The following TNS3 variants were observed in gnomAD, a reference collection of about 807,000 sequenced individuals.
TNS3 encodes the protein tensin 3.
Under a neutral mutation model 140.9 loss-of-function variants are expected in TNS3, and 45 were observed. That is an observed-to-expected ratio of 0.32 (90% CI 0.25 to 0.41). The LOEUF (loss-of-function observed/expected upper bound fraction) is 0.41. Among genes scored for constraint, TNS3 ranks in the 10% least tolerant of loss-of-function variants. The pLI is 1.00. For synonymous variants in TNS3, 815 were observed against 788.4 expected, an observed-to-expected ratio of 1.03 and a Z score of -0.56; for missense variants, 1,716 against 1,906.7, an observed-to-expected ratio of 0.90 and a Z score of 1.86.
At chr7:47,519,468 T>C (rs1346955683) in intron 2 of TNS3, among the ~76,000 whole-genome samples, 2 of 152,110 alleles carry the variant, frequency 1.3e-5, no homozygotes, top group Non-Finnish European at 2.9e-5. Context: ...CCCACCTCAC[T>C]CAGTGTGTGA....
chr7:47,292,926 A>C, intron 25 of TNS3, 21 bp from the exon 26 acceptor site: 1 of 1,612,450 alleles, frequency 6.2e-7, no homozygotes, highest in East Asian at 2.2e-5. Context: ...GACAGACAGC[A>C]AACAAGAGTC....
At chr7:47,361,409 C>G (rs1000754545) in intron 17 of TNS3, among the ~76,000 whole-genome samples, 1 of 152,052 alleles carries the variant, frequency 6.6e-6, no homozygotes. Context: ...AGACCATCTG[C>G]CTGGTAAGGA....
At chr7:47,478,270 T>C (rs143798379) in intron 4 of TNS3, among the ~76,000 whole-genome samples, 113 of 152,294 alleles carry the variant, frequency 7.4e-4, no homozygotes, top group Non-Finnish European at 1.2e-3. Flanking sequence ...GGCCTGAGAA[T>C]GTGCATTTCT....
In TNS3 at chr7:47,385,173, C is replaced by T. The variant is rs192308680; in HGVS notation, c.1024+11627G>A. 2.2e-4 allele frequency among the ~76,000 whole-genome samples: 33 copies of T among 152,322 alleles called. 1 individual carries two copies. Among genetic ancestry groups the T allele is most frequent in the Admixed American group, 1.9e-3 (29 of 15,306 alleles). ...CTGCTTTGGACACACTCATGGTGCT[C>T]TCAGTCTCCTGCCTCTGTCAATCCA... On this transcript the variant is annotated intron_variant, in intron 16 of 30. Transcript: ENST00000311160.
At chr7:47,308,205 A>G (rs1368177811) in intron 20 of TNS3, among the ~76,000 whole-genome samples, 1 of 152,198 alleles carries the variant, frequency 6.6e-6, no homozygotes, top group African/African-American at 2.4e-5. Flanking sequence ...TGTTGAGACT[A>G]TCTATTCTTC....
intron 1 of TNS3, among the ~76,000 whole-genome samples, chr7:47,569,372 G>A (rs775888315): frequency 1.2e-4 from 18 of 151,416 alleles, no homozygotes; most frequent in South Asian, 2.1e-4. Flanking sequence ...ATGAAACCCC[G>A]TCTCTACTAA....
chr7:47,519,202 G>A (rs1798880690), intron 2 of TNS3, among the ~76,000 whole-genome samples: 1 of 152,086 alleles, frequency 6.6e-6, no homozygotes, highest in South Asian at 2.1e-4. Context: ...TGTATAGGAC[G>A]AACCTTGTTG....
chr7:47,498,349 C>A (rs1044888518), intron 3 of TNS3, among the ~76,000 whole-genome samples: 4 of 152,204 alleles, frequency 2.6e-5, no homozygotes, highest in Non-Finnish European at 5.9e-5. Context: ...GAGCCACGTG[C>A]AGGATGCAGG....
At chr7:47,563,374 C>T (rs1052676730) in intron 1 of TNS3, among the ~76,000 whole-genome samples, 6 of 152,214 alleles carry the variant, frequency 3.9e-5, no homozygotes, top group African/African-American at 1.4e-4. Flanking sequence ...TGAAAGGTGC[C>T]CTTGAAGAAG....
At chr7:47,321,729 G>A (rs185250413) in intron 20 of TNS3, among the ~76,000 whole-genome samples, 67 of 152,264 alleles carry the variant, frequency 4.4e-4, no homozygotes, top group African/African-American at 1.6e-3. Flanking sequence ...TGCTCTGAGG[G>A]GAAGGAGGGA....
At chr7:47,316,094 TTCTCTCTCTCTCTCTCTCTC>T (rs56939479) in intron 20 of TNS3, among the ~76,000 whole-genome samples, 3,355 of 105,888 alleles carry the variant, frequency 0.032, 38 homozygotes, top group Non-Finnish European at 0.036. Flanking sequence ...AACTAACTAT[TTCTCTCTCTCTCTCTCTCTC>T]TCTCTCTCTC....
rs67341898 is a variant in TNS3 at position 47,437,745 on chromosome 7, T to TACACACACACAC, written c.151-444_151-433dup. On this transcript the variant is annotated intron_variant, in intron 6 of 30. Transcript: ENST00000311160. ...CTACAAAATATCCCAACATATAGGATACACACACACACACACACACACACA... is the reference window on the plus strand; with the variant it reads ...CTACAAAATATCCCAACATATAGGATACACACACACACACACACACACACACACACACACACA... 5.9e-5 allele frequency among the ~76,000 whole-genome samples: 8 copies of TACACACACACAC among 135,804 alleles called. No individual in the cohort carries two copies. The South Asian group carries it at 7.4e-4, about 12-fold the overall frequency. 89.1% of individuals were successfully genotyped at this position (135,804 alleles called of 152,430 possible).
intron 20 of TNS3, among the ~76,000 whole-genome samples, chr7:47,322,802 C>G (rs1787822436): frequency 6.6e-6 from 1 of 152,158 alleles, no homozygotes; most frequent in Admixed American, 6.5e-5. Context: ...ATGAAGCCCT[C>G]TAAAGCCCTC....
chr7:47,329,068 T>C lies in TNS3; in HGVS notation c.2650+15687A>G, dbSNP rs190978043. Among the ~76,000 whole-genome samples the C allele has an allele frequency of 2.6e-5, 4 of 152,190 alleles. No homozygotes were observed. In the East Asian group the frequency reaches 7.7e-4, roughly 29 times the overall value. Reference sequence around the variant, plus strand: ...ATTTTTTTCAGCATTTGGAACACCATCTCCCTCAGTCAAGTCAAAGTGCTC... The same window carrying C: ...ATTTTTTTCAGCATTTGGAACACCACCTCCCTCAGTCAAGTCAAAGTGCTC... On this transcript the variant is annotated intron_variant, in intron 20 of 30. Coordinates refer to ENST00000311160, the MANE Select transcript of TNS3 (RefSeq NM_022748.12).
intron 17 of TNS3, among the ~76,000 whole-genome samples, chr7:47,367,577 T>C (rs984017714): frequency 6.6e-6 from 1 of 152,148 alleles, no homozygotes; most frequent in African/African-American, 2.4e-5. Context: ...GAAAAGGACA[T>C]GTGCAGTCCT....
At chr7:47,464,246 C>T (rs1796608760) in intron 4 of TNS3, among the ~76,000 whole-genome samples, 1 of 152,194 alleles carries the variant, frequency 6.6e-6, no homozygotes, top group Admixed American at 6.5e-5. Context: ...GAGAAGCTTA[C>T]AGCATTTTCT....
intron 1 of TNS3, among the ~76,000 whole-genome samples, chr7:47,562,212 G>A (rs1800330838): frequency 6.6e-6 from 1 of 152,124 alleles, no homozygotes. Context: ...CTCTGACCCG[G>A]AGATCATTCT....
chr7:47,349,391 G>A (rs1789532229), intron 17 of TNS3, among the ~76,000 whole-genome samples: 1 of 152,262 alleles, frequency 6.6e-6, no homozygotes, highest in Non-Finnish European at 1.5e-5. Flanking sequence ...ATACTTCTCA[G>A]TATCCTGCCA....
At chr7:47,571,510 C>CCAGAACTCA (rs112620053) in intron 1 of TNS3, among the ~76,000 whole-genome samples, 1 of 152,084 alleles carries the variant, frequency 6.6e-6, no homozygotes, top group Non-Finnish European at 1.5e-5. Flanking sequence ...GCTGGTGTCC[C>CCAGAACTCA]CAGAGCTGAC....
Sources: allele counts gnomAD v4.1 joint callset (sites outside exome capture counted in the v4.1 genomes callset), GRCh38; gene constraint gnomAD v4.1.1; transcripts MANE v1.5; gene names NCBI Gene and HGNC (gene_info 2026-07-23, HGNC 2026-07-21).